Variants in ATL2 observed in about 807,000 individuals in gnomAD.
ATL2 encodes atlastin-2.
A neutral mutation model predicts 73.9 loss-of-function variants in ATL2; 31 were observed. The ratio of observed to expected loss-of-function variants is 0.42; its 90% CI spans 0.32 to 0.57. The LOEUF (loss-of-function observed/expected upper bound fraction) is 0.57. Ranked by LOEUF, ATL2 falls within the 20% of genes least tolerant of loss-of-function variation. The pLI is 0.14. For missense variants in ATL2, 738 were observed against 702.6 expected (o/e 1.05, Z -0.57); for synonymous variants, 291 against 237.5 (o/e 1.23, Z -2.07).
chr2:38,367,986 G>T (rs13003853), intron 1 of ATL2, among the ~76,000 whole-genome samples: 1 of 149,980 alleles, frequency 6.7e-6, no homozygotes, highest in African/African-American at 2.5e-5. Context: ...CCAGTCTGGA[G>T]TGCAGTGGCG....
At chr2:38,375,399 T>C (rs1356216267) in intron 1 of ATL2, among the ~76,000 whole-genome samples, 1 of 152,204 alleles carries the variant, frequency 6.6e-6, no homozygotes, top group Non-Finnish European at 1.5e-5. Context: ...AAGGTCTTGC[T>C]GATCCGTCCT....
At chr2:38,310,548 C>G in intron 7 of ATL2, 101 bp from the exon 8 acceptor site, 1 of 976,772 alleles carries the variant, frequency 1.0e-6, no homozygotes, top group African/African-American at 1.7e-5. Context: ...ACACTTAACT[C>G]AGATGGTACT....
intron 9 of ATL2, 42 bp downstream of exon 9, chr2:38,309,337 T>C: frequency 1.3e-6 from 2 of 1,547,626 alleles, no homozygotes; most frequent in South Asian, 1.2e-5. Flanking sequence ...TTAAGTCAAC[T>C]ACATTTCTAT....
At chr2:38,300,177 C>A in intron 10 of ATL2, 95 bp downstream of exon 10, 1 of 1,080,938 alleles carries the variant, frequency 9.3e-7, no homozygotes. Context: ...CAAAAAAGCA[C>A]CCCCCATTTT....
chr2:38,338,783 C>A (rs192824970), intron 2 of ATL2, among the ~76,000 whole-genome samples: 70 of 152,242 alleles, frequency 4.6e-4, no homozygotes, highest in African/African-American at 1.5e-3. Flanking sequence ...ACTATACATA[C>A]CCCCAGATAC....
chr2:38,319,089 T>A, intron 2 of ATL2, 70 bp from the exon 3 acceptor site: 1 of 1,509,310 alleles, frequency 6.6e-7, no homozygotes. Flanking sequence ...AAATCACCCA[T>A]TCTTTATTTT....
intron 4 of ATL2, among the ~76,000 whole-genome samples, chr2:38,317,248 A>G (rs1355453993): frequency 6.6e-6 from 1 of 152,186 alleles, no homozygotes; most frequent in East Asian, 1.9e-4. Context: ...CCCATTTTAA[A>G]AAAATATTTG....
At chr2:38,322,690 A>T (rs1416240881) in intron 2 of ATL2, among the ~76,000 whole-genome samples, 1 of 147,552 alleles carries the variant, frequency 6.8e-6, no homozygotes, top group African/African-American at 2.6e-5. Context: ...GGAAATGTTT[A>T]AAAAAAAATA....
chr2:38,320,149 G>C (rs557738529), intron 2 of ATL2, among the ~76,000 whole-genome samples: 1 of 152,196 alleles, frequency 6.6e-6, no homozygotes, highest in African/African-American at 2.4e-5. Flanking sequence ...ATAACCCCAA[G>C]ACTTGTTTGG....
At chr2:38,345,683 T>C (rs1358713439) in intron 1 of ATL2, among the ~76,000 whole-genome samples, 2 of 152,242 alleles carry the variant, frequency 1.3e-5, no homozygotes, top group African/African-American at 2.4e-5. Flanking sequence ...AAAGTTGCAA[T>C]ACAGTTAAAT....
At chr2:38,319,470 A>AC (rs1472302608) in intron 2 of ATL2, among the ~76,000 whole-genome samples, 1 of 151,542 alleles carries the variant, frequency 6.6e-6, no homozygotes, top group African/African-American at 2.4e-5. Context: ...GTGGCGGCAC[A>AC]CTCCTGTAGT....
intron 1 of ATL2, among the ~76,000 whole-genome samples, chr2:38,361,349 G>A (rs1454967017): frequency 4.2e-4 from 48 of 113,176 alleles, no homozygotes; most frequent in Middle Eastern, 0.014. Flanking sequence ...GCAAGACTCC[G>A]TCTCAAAAAA....
chr2:38,370,805 CT>C (rs1671645266), intron 1 of ATL2, among the ~76,000 whole-genome samples: 1 of 151,722 alleles, frequency 6.6e-6, no homozygotes, highest in South Asian at 2.1e-4. Flanking sequence ...AAATCAACCC[CT>C]GGCCCAGCAG....
chr2:38,318,483 A>AT, intron 4 of ATL2, 52 bp downstream of exon 4: 3 of 1,337,478 alleles, frequency 2.2e-6, no homozygotes, highest in Non-Finnish European at 3.1e-6. Flanking sequence ...GAAAAAAAAA[A>AT]GGGGCCAAAT....
intron 1 of ATL2, among the ~76,000 whole-genome samples, chr2:38,345,289 C>T (rs1669956623): frequency 1.3e-5 from 2 of 152,160 alleles, no homozygotes; most frequent in East Asian, 3.9e-4. Context: ...AGGCGTGGTA[C>T]ATTATTAGTG....
intron 2 of ATL2, among the ~76,000 whole-genome samples, chr2:38,329,695 T>G (rs898470763): frequency 6.6e-6 from 1 of 152,062 alleles, no homozygotes; most frequent in Non-Finnish European, 1.5e-5. Context: ...CAAAAATCCT[T>G]GACAAAATAT....
chr2:38,313,799 G>C (rs894762416), intron 6 of ATL2, among the ~76,000 whole-genome samples: 5 of 152,148 alleles, frequency 3.3e-5, no homozygotes, highest in African/African-American at 9.7e-5. Flanking sequence ...CTATATGCTA[G>C]ATACCAAGAG....
chr2:38,374,599 C>T (rs1671860210), intron 1 of ATL2, among the ~76,000 whole-genome samples: 1 of 152,198 alleles, frequency 6.6e-6, no homozygotes, highest in Non-Finnish European at 1.5e-5. Context: ...AACAGCTTTG[C>T]TGACAATTGT....
chr2:38,355,956 C>A (rs1041655815), intron 1 of ATL2, among the ~76,000 whole-genome samples: 1 of 151,904 alleles, frequency 6.6e-6, no homozygotes, highest in South Asian at 2.1e-4. Flanking sequence ...CTCGCCCTCC[C>A]AAAGTGCTGG....
Sources: allele counts gnomAD v4.1 joint callset (sites outside exome capture counted in the v4.1 genomes callset), GRCh38; gene constraint gnomAD v4.1.1; transcripts MANE v1.5; gene names NCBI Gene and HGNC (gene_info 2026-07-23, HGNC 2026-07-21).